The following ACADL variants were observed in gnomAD, a reference collection of about 807,000 sequenced individuals.
The protein encoded by ACADL is long-chain specific acyl-CoA dehydrogenase, mitochondrial.
ACADL carries 60 observed loss-of-function variants against 56.9 expected under a neutral mutation model. The observed-to-expected ratio is 1.05, with a 90% CI of 0.86 to 1.31. The LOEUF is 1.31. ACADL is among the 50% of genes most tolerant of loss of function. The pLI is 0.00. For missense variants in ACADL, 484 were observed against 525.5 expected, an observed-to-expected ratio of 0.92 and a Z score of 0.77; for synonymous variants, 158 against 179.7, an observed-to-expected ratio of 0.88 and a Z score of 0.97.
Position 210,217,969 on chromosome 2 carries a change from C to G in ACADL, c.367G>C (p.Glu123Gln). Reference protein sequence around the residue: ...DLYSAAIVWEEQAYSNCSGPG... With the variant: ...DLYSAAIVWEQQAYSNCSGPG... ...CTTAAAAGTCTCCATACTTACTGCT[C>G]CTCCCAGACAATAGCTGCGGAGTAC... The change falls in exon 3 of 11, where the codon GAG (glutamate) becomes CAG (glutamine). Residue 123 changes from glutamate to glutamine, a missense_variant. Physicochemically the swap from Glu to Gln is conservative, Grantham distance 29. Transcript: ENST00000233710. The G allele has an allele frequency of 3.1e-6, 5 of 1,614,032 alleles. No homozygotes were observed. Among genetic ancestry groups the G allele is most frequent in the Non-Finnish European group, 4.2e-6 (5 of 1,179,984 alleles).
At chr2:210,224,401 C>T in intron 1 of ACADL, 8 of 985,196 alleles carry the variant, frequency 8.1e-6, no homozygotes, top group Non-Finnish European at 9.6e-6. Flanking sequence ...TAGCTTACAC[C>T]AATGCTGTCA....
At chr2:210,210,048 G>C (rs1049754947) in intron 5 of ACADL, 148 bp downstream of exon 5, 1 of 681,764 alleles carries the variant, frequency 1.5e-6, no homozygotes, top group Non-Finnish European at 2.6e-6. Context: ...AATATATGTT[G>C]TAAATTTACT....
chr2:210,224,642 C>T (rs1024919566), intron 1 of ACADL: 1 of 985,494 alleles, frequency 1.0e-6, no homozygotes, highest in Admixed American at 6.2e-5. Flanking sequence ...TTTGATGGAA[C>T]CCTCGCCAGG....
At chr2:210,221,321 A>G (rs1187650586) in intron 1 of ACADL, among the ~76,000 whole-genome samples, 1 of 152,212 alleles carries the variant, frequency 6.6e-6, no homozygotes, top group Non-Finnish European at 1.5e-5. Context: ...GGAGATAAAA[A>G]TACCCATCAA....
intron 8 of ACADL, among the ~76,000 whole-genome samples, chr2:210,196,300 T>G (rs1354388776): frequency 1.3e-5 from 2 of 152,040 alleles, no homozygotes; most frequent in Non-Finnish European, 2.9e-5. Flanking sequence ...GTCTCAGGTA[T>G]TTCTTCATAG....
rs114727900 is a variant in ACADL, at chr2:210,201,702, G to A, written c.984+1629C>T. On this transcript the variant is annotated intron_variant, in intron 8 of 10. Transcript: ENST00000233710. ...TTTTTAAGTCAAATCCCAACTCCAGGTTTTTTGCTGGTGAGATGTTTTGCC... is the reference window on the plus strand; with the variant it reads ...TTTTTAAGTCAAATCCCAACTCCAGATTTTTTGCTGGTGAGATGTTTTGCC... 6.2e-4 allele frequency among the ~76,000 whole-genome samples: 94 copies of A among 152,180 alleles called. 1 individual carries two copies. Among genetic ancestry groups the A allele is most frequent in the African/African-American group, 2.2e-3 (93 of 41,536 alleles).
chr2:210,205,914 C>G, intron 5 of ACADL, 118 bp from the exon 6 acceptor site: 1 of 1,163,796 alleles, frequency 8.6e-7, no homozygotes. Context: ...CTTGATACCT[C>G]TCTCTGTACC....
At chr2:210,221,805 T>C (rs925613421) in intron 1 of ACADL, among the ~76,000 whole-genome samples, 1 of 151,752 alleles carries the variant, frequency 6.6e-6, no homozygotes, top group Non-Finnish European at 1.5e-5. Flanking sequence ...CTTGGCTCAC[T>C]GCAACCTTCG....
rs1170823908 is a variant in ACADL at position 210,205,722 on chromosome 2, A to AG, written c.677dup (p.Ala227CysfsTer5). The AG allele has an allele frequency of 6.2e-7, 1 of 1,613,888 alleles. No individual in the cohort carries two copies. Among genetic ancestry groups the AG allele is most frequent in the Non-Finnish European group, 8.5e-7 (1 of 1,179,948 alleles). On this transcript the variant is annotated frameshift_variant, in exon 6 of 11. Transcript: ENST00000233710. LOFTEE classifies it high-confidence loss of function. ...CCAGAAAAAGGCTAATACCATGGGC[A>AG]GGGGAGGGAGCTTCATGATTTGTGA...
In ACADL at chr2:210,225,250, A is replaced by T; in HGVS notation, c.14T>A (p.Leu5His). Residue 5 changes from leucine (L) to histidine (H), a missense_variant, in exon 1 of 11, where the codon CTT becomes CAT. Physicochemically the swap from Leu to His is moderately conservative, Grantham distance 99. Coordinates refer to ENST00000233710, the MANE Select transcript of ACADL (RefSeq NM_001608.4). The part of the protein sequence containing the change: MAAR[L>H]LRGSLRVLGG... ...CAGGACGCGTAGGGACCCTCGGAGAAGGCGTGCGGCCATGTCCGAAACACA... is the reference window on the plus strand; with the variant it reads ...CAGGACGCGTAGGGACCCTCGGAGATGGCGTGCGGCCATGTCCGAAACACA... 1 of 1,557,890 alleles carries T rather than the reference A, an allele frequency of 6.4e-7. No homozygotes were observed. The highest frequency in any genetic ancestry group is 1.2e-5 in the South Asian group (1 of 85,178).
chr2:210,192,437 C>A lies in ACADL; in HGVS notation c.1199+367G>T, dbSNP rs571457519. 3.3e-5 allele frequency among the ~76,000 whole-genome samples: 5 copies of A among 152,118 alleles called. No homozygotes were observed. In the South Asian group the frequency reaches 1.0e-3, roughly 32 times the overall value. ...CCTGGAAGGTGGAGGTTGCAGTGAACCCAGATCATGCCACTGTACTCCAAC... is the reference window on the plus strand; with the variant it reads ...CCTGGAAGGTGGAGGTTGCAGTGAAACCAGATCATGCCACTGTACTCCAAC... On this transcript the variant is annotated intron_variant, in intron 10 of 10. Coordinates refer to ENST00000233710, the MANE Select transcript of ACADL (RefSeq NM_001608.4).
chr2:210,225,314 G>C lies in ACADL; in HGVS notation c.-51C>G. On this transcript the variant is annotated 5_prime_UTR_variant, in exon 1 of 11. Transcript: ENST00000233710. ...GACGGAGGCGACTCTGCGGCTACTC[G>C]GCGACTCGGGGCAGGGTCCCCGGGA... 2 of 1,518,768 alleles carry C rather than the reference G, an allele frequency of 1.3e-6. No individual in the cohort carries two copies. Among genetic ancestry groups the C allele is most frequent in the Non-Finnish European group, 1.8e-6 (2 of 1,133,118 alleles). The allele number at this position is 1,518,768 out of a possible 1,614,324, so 94.1% of individuals were successfully genotyped here. A position where few individuals can be genotyped will look rare whatever the true frequency, so the allele number is the denominator to read the frequency against.
intron 9 of ACADL, 128 bp downstream of exon 9, chr2:210,195,082 TG>T: frequency 8.3e-7 from 1 of 1,198,946 alleles, no homozygotes; most frequent in Non-Finnish European, 1.2e-6. Flanking sequence ...TTTTTTAAAG[TG>T]GAGTCTCACT....
In ACADL at chr2:210,216,450, T is replaced by C. The variant is rs1347362945; in HGVS notation, c.433A>G (p.Ile145Val). The C allele has an allele frequency of 6.2e-7, 1 of 1,613,870 alleles. No homozygotes were observed. The highest frequency in any genetic ancestry group is 1.1e-5 in the South Asian group (1 of 91,074). ...TGTTCTTCTGAGCCATGGTTTGTAATATAGGACATGACAATACCTGAATGA... is the reference window on the plus strand; with the variant it reads ...TGTTCTTCTGAGCCATGGTTTGTAACATAGGACATGACAATACCTGAATGA... ...SIHSGIVMSY[I>V]TNHGSEEQIK... The change falls in exon 4 of 11, where the codon ATT becomes GTT. Residue 145 changes from isoleucine (I) to valine (V), a missense_variant. Coordinates refer to ENST00000233710, the MANE Select transcript of ACADL (RefSeq NM_001608.4).
At chr2:210,203,892 CAT>C (rs1688840979) in intron 7 of ACADL, among the ~76,000 whole-genome samples, 1 of 152,198 alleles carries the variant, frequency 6.6e-6, no homozygotes, top group South Asian at 2.1e-4. Context: ...TCTTTACTCA[CAT>C]GTGAGTTAAA....
At chr2:210,211,801 A>T (rs1053897976) in intron 4 of ACADL, among the ~76,000 whole-genome samples, 6 of 150,538 alleles carry the variant, frequency 4.0e-5, no homozygotes, top group African/African-American at 1.2e-4. Context: ...TAATAAATAC[A>T]GTGGTGTTTT....
chr2:210,198,896 G>C (rs1248037635), intron 8 of ACADL, among the ~76,000 whole-genome samples: 1 of 152,000 alleles, frequency 6.6e-6, no homozygotes, highest in Non-Finnish European at 1.5e-5. Flanking sequence ...ATAAACTATG[G>C]AGAGCATAGA....
chr2:210,210,509 T>G (rs955478933), intron 4 of ACADL, among the ~76,000 whole-genome samples: 2 of 152,256 alleles, frequency 1.3e-5, no homozygotes, highest in African/African-American at 4.8e-5. Flanking sequence ...TACAGTAGTA[T>G]AACAAAGCCC....
In ACADL at chr2:210,205,387, A is replaced by G. The variant is rs556949073; in HGVS notation, c.768+245T>C. ...TTTTACAAATAGATGGCTTGTTACCATGCAGTTAATTTTGCCATTTCTAAA... is the reference window on the plus strand; with the variant it reads ...TTTTACAAATAGATGGCTTGTTACCGTGCAGTTAATTTTGCCATTTCTAAA... On this transcript the variant is annotated intron_variant, in intron 6 of 10. Coordinates refer to ENST00000233710, the MANE Select transcript of ACADL (RefSeq NM_001608.4). Among the ~76,000 whole-genome samples the G allele has an allele frequency of 7.2e-5, 11 of 152,264 alleles. No homozygotes were observed. The South Asian group carries it at 2.3e-3, about 32-fold the overall frequency.
Sources: gnomAD v4.1 joint callset for allele counts (sites outside exome capture counted in the v4.1 genomes callset) on GRCh38, gnomAD v4.1.1 for gene constraint, MANE v1.5 for transcripts, NCBI Gene and HGNC (gene_info 2026-07-23, HGNC 2026-07-21) for gene names.